GRK3: variants seen among roughly 807,000 people sequenced by gnomAD.
GRK3 encodes the protein G protein-coupled receptor kinase 3, also known as adrenergic, beta, receptor kinase 2.
A neutral mutation model predicts 95.7 loss-of-function variants in GRK3; 54 were observed. That is an observed-to-expected ratio of 0.56 (90% CI 0.45 to 0.71). The LOEUF (loss-of-function observed/expected upper bound fraction) is 0.71, where lower values mean the gene tolerates loss of function less well. Among genes scored for constraint, GRK3 ranks in the 30% least tolerant of loss-of-function variants. The pLI is 0.00. For synonymous variants in GRK3, 281 were observed against 290.8 expected, an observed-to-expected ratio of 0.97 and a Z score of 0.34; for missense variants, 649 against 851.2, an observed-to-expected ratio of 0.76 and a Z score of 2.96.
chr22:25,583,155 C>T (rs2146320517), intron 1 of GRK3, among the ~76,000 whole-genome samples: 2 of 152,268 alleles, frequency 1.3e-5, no homozygotes, highest in Admixed American at 1.3e-4. Context: ...GGAAGTAAGG[C>T]AATTTGTATC....
intron 1 of GRK3, chr22:25,580,118 A>G (rs936916510): frequency 6.6e-6 from 1 of 152,202 alleles, no homozygotes; most frequent in African/African-American, 2.4e-5. Context: ...TTTATAGGAA[A>G]TATGGAGAGA....
intron 3 of GRK3, chr22:25,647,711 C>G: frequency 7.6e-7 from 1 of 1,323,916 alleles, no homozygotes; most frequent in East Asian, 2.3e-5. Flanking sequence ...GTAGCGCCTG[C>G]AGATTCCATT....
chr22:25,608,188 A>T (rs563036581), intron 2 of GRK3, among the ~76,000 whole-genome samples: 1 of 152,362 alleles, frequency 6.6e-6, no homozygotes, highest in African/African-American at 2.4e-5. Flanking sequence ...TGAGGATAAA[A>T]GTAGCTGGCA....
chr22:25,598,025 AAGAAATAT>A (rs1323152782), intron 1 of GRK3, among the ~76,000 whole-genome samples: 1 of 152,206 alleles, frequency 6.6e-6, no homozygotes, highest in African/African-American at 2.4e-5. Flanking sequence ...GATCTCCACA[AAGAAATAT>A]AGAGTACCTG....
chr22:25,587,766 T>G (rs1053902269), intron 1 of GRK3, among the ~76,000 whole-genome samples: 2 of 152,184 alleles, frequency 1.3e-5, no homozygotes, highest in Non-Finnish European at 2.9e-5. Context: ...AGTGAGTAAG[T>G]CTCACGAGAT....
At chr22:25,665,031 G>T (rs576203821) in intron 5 of GRK3, among the ~76,000 whole-genome samples, 1 of 152,110 alleles carries the variant, frequency 6.6e-6, no homozygotes, top group African/African-American at 2.4e-5. Flanking sequence ...ACCTGACCTG[G>T]CTTTGAGTCC....
rs2085463365 is a variant in GRK3 at position 25,725,036 on chromosome 22, T to C, written c.*2586T>C. 6.6e-6 allele frequency: 1 copy of C among 152,128 alleles called. No homozygotes were observed. Among genetic ancestry groups the C allele is most frequent in the Non-Finnish European group, 1.5e-5 (1 of 68,030 alleles). The allele number at this position is 152,128 out of a possible 1,614,324, so 9.4% of individuals were successfully genotyped here. ...CCACCTTTCCTGGCTAATTTATTTTTTGGGTAGAGATGGGGTCTTGAACTC... is the reference window on the plus strand; with the variant it reads ...CCACCTTTCCTGGCTAATTTATTTTCTGGGTAGAGATGGGGTCTTGAACTC... On this transcript the variant is annotated 3_prime_UTR_variant, in exon 21 of 21. Transcript: ENST00000324198.
Position 25,620,004 on chromosome 22 carries a change from TTTTGTGTGTGTGTG to T in GRK3, c.190+15553_190+15566del, listed in dbSNP as rs1413113418. On this transcript the variant is annotated intron_variant, in intron 2 of 20. Transcript: ENST00000324198. The stretch of plus-strand genomic sequence containing the variant: ...CTTTACTCTTCCTTTCCTTTGTCTT[TTTTGTGTGTGTGTG>T]TGTGTGTGTGTGTGTGTGTGTGTGT... 9.1e-3 allele frequency among the ~76,000 whole-genome samples: 1,095 copies of T among 120,542 alleles called. 25 individuals carry two copies. Among genetic ancestry groups the T allele is most frequent in the African/African-American group, 0.029 (972 of 33,510 alleles). 79.1% of individuals were successfully genotyped at this position (120,542 alleles called of 152,430 possible).
At chr22:25,683,321 C>A (rs1232882758) in intron 9 of GRK3, among the ~76,000 whole-genome samples, 2 of 152,104 alleles carry the variant, frequency 1.3e-5, no homozygotes, top group African/African-American at 4.8e-5. Context: ...TTGAATGATG[C>A]TGTTTTGAAT....
chr22:25,709,623 T>C (rs1293556819), intron 15 of GRK3, among the ~76,000 whole-genome samples: 1 of 152,136 alleles, frequency 6.6e-6, no homozygotes, highest in East Asian at 1.9e-4. Flanking sequence ...TGCGTGTGTA[T>C]ATATATATCT....
intron 5 of GRK3, among the ~76,000 whole-genome samples, chr22:25,666,484 G>C (rs1350691715): frequency 6.6e-6 from 1 of 152,220 alleles, no homozygotes; most frequent in Non-Finnish European, 1.5e-5. Context: ...TCACCACAAA[G>C]GGGACAAAGT....
intron 2 of GRK3, among the ~76,000 whole-genome samples, chr22:25,620,330 A>AAATG (rs2084575226): frequency 1.3e-5 from 2 of 152,096 alleles, no homozygotes; most frequent in Admixed American, 1.3e-4. Context: ...GCAGGGCACC[A>AAATG]TGATGTTCTG....
intron 1 of GRK3, among the ~76,000 whole-genome samples, chr22:25,584,641 T>C (rs1421190942): frequency 6.6e-6 from 1 of 152,296 alleles, no homozygotes; most frequent in African/African-American, 2.4e-5. Flanking sequence ...TTATAATTGT[T>C]CTATTAGCAG....
chr22:25,619,880 T>C (rs980182087), intron 2 of GRK3, among the ~76,000 whole-genome samples: 1 of 151,992 alleles, frequency 6.6e-6, no homozygotes, highest in African/African-American at 2.4e-5. Flanking sequence ...GGTAGCTACT[T>C]GTTGCCAGGA....
intron 18 of GRK3, among the ~76,000 whole-genome samples, chr22:25,716,484 G>A (rs2146471058): frequency 6.6e-6 from 1 of 152,266 alleles, no homozygotes; most frequent in South Asian, 2.1e-4. Flanking sequence ...TCTAGTTAGA[G>A]CTGTAATTAG....
chr22:25,645,920 CAA>C (rs553003120), intron 3 of GRK3, among the ~76,000 whole-genome samples: 24 of 116,352 alleles, frequency 2.1e-4, no homozygotes, highest in Admixed American at 5.5e-4. Flanking sequence ...GACTCCATCT[CAA>C]AAAAAAAAAA....
chr22:25,698,532 A>G (rs1354901231), intron 13 of GRK3, among the ~76,000 whole-genome samples: 1 of 152,180 alleles, frequency 6.6e-6, no homozygotes, highest in Non-Finnish European at 1.5e-5. Context: ...ATGACAATAC[A>G]AAGCCTGGGA....
At chr22:25,608,667 C>T (rs1158719155) in intron 2 of GRK3, among the ~76,000 whole-genome samples, 1 of 152,214 alleles carries the variant, frequency 6.6e-6, no homozygotes, top group Non-Finnish European at 1.5e-5. Context: ...CCACCTCCAT[C>T]CCAAACCACA....
At chr22:25,592,182 A>G (rs1236605715) in intron 1 of GRK3, among the ~76,000 whole-genome samples, 4 of 152,204 alleles carry the variant, frequency 2.6e-5, no homozygotes, top group Non-Finnish European at 5.9e-5. Flanking sequence ...CCACTCTAAT[A>G]GGTATGTAGT....
Sources: gnomAD v4.1 joint callset for allele counts (sites outside exome capture counted in the v4.1 genomes callset) on GRCh38, gnomAD v4.1.1 for gene constraint, MANE v1.5 for transcripts, NCBI Gene and HGNC (gene_info 2026-07-23, HGNC 2026-07-21) for gene names.